NFKB1: variants seen among roughly 807,000 people sequenced by gnomAD.
NFKB1 encodes the protein nuclear factor NF-kappa-B p105 subunit.
NFKB1 carries 9 observed loss-of-function variants against 105.1 expected under a neutral mutation model. The observed-to-expected ratio is 0.09, with a 90% CI of 0.05 to 0.15. The LOEUF is 0.15. Ranked by LOEUF, NFKB1 falls within the 10% of genes least tolerant of loss-of-function variation. The probability of loss-of-function intolerance (pLI) is 1.00; values close to 1 mark genes in which losing one functional copy is unlikely to be tolerated. For synonymous variants in NFKB1, 440 were observed against 442.2 expected, an observed-to-expected ratio of 1.00 and a Z score of 0.06; for missense variants, 830 against 1,203.7, an observed-to-expected ratio of 0.69 and a Z score of 4.59.
intron 16 of NFKB1, among the ~76,000 whole-genome samples, chr4:102,604,812 G>T (rs1727545986): frequency 6.6e-6 from 1 of 151,954 alleles, no homozygotes; most frequent in Non-Finnish European, 1.5e-5. Flanking sequence ...GAGTTGGGTT[G>T]CTGGGACATT....
At chr4:102,505,340 A>T (rs1267259034) in intron 1 of NFKB1, among the ~76,000 whole-genome samples, 1 of 152,266 alleles carries the variant, frequency 6.6e-6, no homozygotes, top group Non-Finnish European at 1.5e-5. Flanking sequence ...TAATAATAAA[A>T]ATAGTGCATT....
At chr4:102,577,123 C>G in intron 7 of NFKB1, 84 bp downstream of exon 7, 1 of 1,387,092 alleles carries the variant, frequency 7.2e-7, no homozygotes, top group African/African-American at 1.4e-5. Flanking sequence ...TCATCTGCAT[C>G]CCTTCCAGTC....
chr4:102,512,020 A>G (rs1240314242), intron 1 of NFKB1, among the ~76,000 whole-genome samples: 1 of 151,952 alleles, frequency 6.6e-6, no homozygotes, highest in Non-Finnish European at 1.5e-5. Context: ...CAAGGTGCTA[A>G]TAATGAGCTT....
chr4:102,519,391 T>C (rs1049886384), intron 1 of NFKB1, among the ~76,000 whole-genome samples: 4 of 148,066 alleles, frequency 2.7e-5, no homozygotes, highest in Non-Finnish European at 4.5e-5. Flanking sequence ...TTATATATAA[T>C]ATTATAAGTA....
In NFKB1 at chr4:102,532,262, G is replaced by A. The variant is rs192927973; in HGVS notation, c.119-1583G>A. Among the ~76,000 whole-genome samples, 388 of 152,076 alleles carry A rather than the reference G, an allele frequency of 2.6e-3. 2 individuals carry two copies. The highest frequency in any genetic ancestry group is 8.7e-3 in the African/African-American group (362 of 41,502). ...CTTGTAAATTTCTTGAATAATAACA[G>A]GAAGTAATTATACCCTTGTTTTCTC... On this transcript the variant is annotated intron_variant, in intron 3 of 23. Transcript: ENST00000226574.
intron 1 of NFKB1, among the ~76,000 whole-genome samples, chr4:102,514,017 T>A (rs1560631474): frequency 6.6e-6 from 1 of 151,428 alleles, no homozygotes; most frequent in Non-Finnish European, 1.5e-5. Flanking sequence ...ACTAAAAAAA[T>A]ACAAAAACTT....
chr4:102,586,741 A>G (rs534971307), intron 11 of NFKB1, among the ~76,000 whole-genome samples: 1 of 152,164 alleles, frequency 6.6e-6, no homozygotes, highest in Admixed American at 6.5e-5. Flanking sequence ...CCTCAGTTGG[A>G]GGGAAGTGAG....
chr4:102,580,156 T>C (rs1725209548), intron 8 of NFKB1, among the ~76,000 whole-genome samples: 1 of 152,112 alleles, frequency 6.6e-6, no homozygotes, highest in Non-Finnish European at 1.5e-5. Flanking sequence ...CTCTTGTAAA[T>C]AGAATAATAG....
At chr4:102,556,792 A>G (rs530238153) in intron 5 of NFKB1, among the ~76,000 whole-genome samples, 1 of 152,232 alleles carries the variant, frequency 6.6e-6, no homozygotes, top group Non-Finnish European at 1.5e-5. Context: ...GATTGTAGAG[A>G]AGAGCAAATG....
chr4:102,574,945 T>C (rs1325460823), intron 6 of NFKB1, among the ~76,000 whole-genome samples: 1 of 152,228 alleles, frequency 6.6e-6, no homozygotes, highest in Non-Finnish European at 1.5e-5. Context: ...TGTAAGATGC[T>C]ACACAGATGT....
intron 22 of NFKB1, 79 bp downstream of exon 22, chr4:102,612,685 T>C (rs1258817948): frequency 3.0e-6 from 4 of 1,325,080 alleles, no homozygotes; most frequent in Non-Finnish European, 4.2e-6. Flanking sequence ...CATAATCTCC[T>C]TCCCTTTTCC....
At chr4:102,609,611 C>CAAAAAAAA (rs34646774) in intron 19 of NFKB1, among the ~76,000 whole-genome samples, 36 of 64,238 alleles carry the variant, frequency 5.6e-4, no homozygotes, top group African/African-American at 1.9e-3. Context: ...GACTCCATCT[C>CAAAAAAAA]AAAAAAAAAA....
At chr4:102,592,689 T>A (rs936082946) in intron 11 of NFKB1, among the ~76,000 whole-genome samples, 1 of 152,210 alleles carries the variant, frequency 6.6e-6, no homozygotes, top group African/African-American at 2.4e-5. Flanking sequence ...TAATGTGGAA[T>A]TGAACCTTTC....
intron 17 of NFKB1, 122 bp downstream of exon 17, chr4:102,606,819 T>A: frequency 9.5e-7 from 1 of 1,047,516 alleles, no homozygotes. Flanking sequence ...CACCTGGAGT[T>A]CATCATCTCT....
At chr4:102,548,577 C>A (rs1159752695) in intron 5 of NFKB1, among the ~76,000 whole-genome samples, 2 of 152,172 alleles carry the variant, frequency 1.3e-5, no homozygotes, top group Non-Finnish European at 2.9e-5. Context: ...CAAGTTACCA[C>A]AAACTAGGTG....
chr4:102,502,404 A>G (rs1411961485), intron 1 of NFKB1, among the ~76,000 whole-genome samples: 15 of 140,032 alleles, frequency 1.1e-4, no homozygotes, highest in South Asian at 2.7e-4. Flanking sequence ...ACACACACAC[A>G]CACACACACA....
rs778162782 is a variant in NFKB1, at chr4:102,601,023, T to C, written c.1752+14T>C. On this transcript the variant is annotated intron_variant, in intron 16 of 23. Coordinates refer to ENST00000226574, the MANE Select transcript of NFKB1 (RefSeq NM_003998.4). Reference sequence around the variant, plus strand: ...GATCTGTACCAGGTAAGCAGAAATCTCAAGAAAACAACTGAAGAAAAATCT... The same window carrying C: ...GATCTGTACCAGGTAAGCAGAAATCCCAAGAAAACAACTGAAGAAAAATCT... 1 of 1,457,048 alleles carries C rather than the reference T, an allele frequency of 6.9e-7. No individual in the cohort carries two copies. The highest frequency in any genetic ancestry group is 9.5e-7 in the Non-Finnish European group (1 of 1,051,874). 90.3% of individuals were successfully genotyped at this position (1,457,048 alleles called of 1,614,324 possible).
intron 16 of NFKB1, 125 bp downstream of exon 16, chr4:102,601,134 A>G: frequency 1.6e-6 from 1 of 619,690 alleles, no homozygotes; most frequent in Non-Finnish European, 2.8e-6. Context: ...AAACCTTTGT[A>G]GGTAATATCT....
intron 9 of NFKB1, among the ~76,000 whole-genome samples, chr4:102,581,009 A>G (rs1007086872): frequency 4.6e-5 from 7 of 152,198 alleles, no homozygotes; most frequent in Admixed American, 3.3e-4. Flanking sequence ...AATGTTTTAC[A>G]TAGTATTAAA....
Sources: allele counts gnomAD v4.1 joint callset (sites outside exome capture counted in the v4.1 genomes callset), GRCh38; gene constraint gnomAD v4.1.1; transcripts MANE v1.5; gene names NCBI Gene and HGNC (gene_info 2026-07-23, HGNC 2026-07-21).